Variants in ZNF423 observed in about 807,000 individuals in gnomAD.
The protein encoded by ZNF423 is Ebf-associated zinc finger protein.
Under a neutral mutation model 95.8 loss-of-function variants are expected in ZNF423, and 12 were observed. The ratio of observed to expected loss-of-function variants is 0.13; its 90% CI spans 0.08 to 0.20. ZNF423 has a LOEUF of 0.20. Ranked by LOEUF, ZNF423 falls within the 10% of genes least tolerant of loss-of-function variation. ZNF423 has a pLI of 1.00. For missense variants in ZNF423, 1,316 were observed against 1,737.1 expected, an observed-to-expected ratio of 0.76 and a Z score of 4.31; for synonymous variants, 749 against 711.9, an observed-to-expected ratio of 1.05 and a Z score of -0.83.
chr16:49,805,021 T>A (rs1462396584), intron 1 of ZNF423, among the ~76,000 whole-genome samples: 22 of 149,594 alleles, frequency 1.5e-4, no homozygotes, highest in Admixed American at 1.4e-3. Context: ...TGCCTCAGCC[T>A]CCCAAGTAGC....
In ZNF423 at chr16:49,732,673, G is replaced by A. The variant is rs193061566; in HGVS notation, c.101-1702C>T. On this transcript the variant is annotated intron_variant, in intron 2 of 7. Transcript: ENST00000563137. ...GCGCCAAAGCAAGAAAGACAGACACGAAGCAAAGAATGCACTCAATTCAAG... is the reference window on the plus strand; with the variant it reads ...GCGCCAAAGCAAGAAAGACAGACACAAAGCAAAGAATGCACTCAATTCAAG... Among the ~76,000 whole-genome samples the A allele has an allele frequency of 1.6e-3, 246 of 152,330 alleles. 1 individual carries two copies. Among genetic ancestry groups the A allele is most frequent in the African/African-American group, 5.5e-3 (228 of 41,570 alleles).
chr16:49,836,258 C>A (rs555114865), intron 1 of ZNF423, among the ~76,000 whole-genome samples: 3 of 152,288 alleles, frequency 2.0e-5, no homozygotes, highest in Admixed American at 6.5e-5. Flanking sequence ...GCCCTGCCCA[C>A]CACCTGTCTC....
At chr16:49,787,098 A>C (rs1381216411) in intron 2 of ZNF423, among the ~76,000 whole-genome samples, 1 of 152,136 alleles carries the variant, frequency 6.6e-6, no homozygotes, top group Admixed American at 6.5e-5. Context: ...CCTGGCATGC[A>C]CTAAGTAAGT....
intron 2 of ZNF423, among the ~76,000 whole-genome samples, chr16:49,732,047 A>G (rs896124440): frequency 6.6e-6 from 1 of 152,148 alleles, no homozygotes; most frequent in Non-Finnish European, 1.5e-5. Flanking sequence ...CCCATTTCAC[A>G]GTCTTGCATA....
intron 3 of ZNF423, among the ~76,000 whole-genome samples, chr16:49,703,125 G>A (rs1257685025): frequency 2.6e-5 from 4 of 152,168 alleles, no homozygotes; most frequent in Non-Finnish European, 5.9e-5. Flanking sequence ...TGGGCTCTGC[G>A]GTTACCGCTA....
chr16:49,726,072 T>C (rs984654986), intron 3 of ZNF423, among the ~76,000 whole-genome samples: 1 of 152,140 alleles, frequency 6.6e-6, no homozygotes, highest in Non-Finnish European at 1.5e-5. Context: ...CCAAAAGCTG[T>C]CAAGTGCTCC....
intron 1 of ZNF423, chr16:49,854,965 G>C: frequency 1.0e-6 from 1 of 984,848 alleles, no homozygotes; most frequent in Non-Finnish European, 1.2e-6. Flanking sequence ...GGTCAGATCC[G>C]GGGCGCCCTC....
chr16:49,732,220 C>T (rs891202462), intron 2 of ZNF423, among the ~76,000 whole-genome samples: 7 of 152,194 alleles, frequency 4.6e-5, no homozygotes, highest in Non-Finnish European at 1.0e-4. Flanking sequence ...GTCTAGTTCA[C>T]TTCCCTGCAC....
chr16:49,587,258 GA>G (rs937031230), intron 5 of ZNF423, among the ~76,000 whole-genome samples: 54 of 152,116 alleles, frequency 3.5e-4, no homozygotes, highest in Admixed American at 3.4e-3. Context: ...ACAGGCCTTG[GA>G]AACGGTCCCT....
chr16:49,658,455 C>T (rs530943145), intron 3 of ZNF423, among the ~76,000 whole-genome samples: 2 of 152,360 alleles, frequency 1.3e-5, no homozygotes, highest in Admixed American at 1.3e-4. Flanking sequence ...ATCTACAACA[C>T]GACAGAGGAA....
chr16:49,789,845 G>A (rs1454136800), intron 1 of ZNF423, among the ~76,000 whole-genome samples: 2 of 152,158 alleles, frequency 1.3e-5, no homozygotes, highest in East Asian at 3.8e-4. Context: ...AACCAATAAG[G>A]TTGCTCTCAG....
chr16:49,695,442 C>T (rs567529877), intron 3 of ZNF423, among the ~76,000 whole-genome samples: 4 of 152,340 alleles, frequency 2.6e-5, no homozygotes, highest in East Asian at 3.9e-4. Flanking sequence ...TATAGGCATG[C>T]GCCACCAAGC....
chr16:49,537,000 T>C (rs1211182510), intron 5 of ZNF423, among the ~76,000 whole-genome samples: 1 of 152,262 alleles, frequency 6.6e-6, no homozygotes, highest in Non-Finnish European at 1.5e-5. Context: ...TGTCAAATAT[T>C]ATGAAGAACA....
intron 1 of ZNF423, among the ~76,000 whole-genome samples, chr16:49,805,312 T>C (rs904422712): frequency 6.6e-6 from 1 of 152,206 alleles, no homozygotes; most frequent in Non-Finnish European, 1.5e-5. Flanking sequence ...ATACCTGTAG[T>C]GAGAACACAC....
chr16:49,739,987 T>C (rs9673246), intron 2 of ZNF423, among the ~76,000 whole-genome samples: 49,033 of 151,488 alleles, frequency 0.32, 8,019 homozygotes, highest in African/African-American at 0.34. Context: ...GCCTCCCGAG[T>C]AGCTGGGATT....
At chr16:49,764,126 G>T (rs2033883004) in intron 2 of ZNF423, among the ~76,000 whole-genome samples, 1 of 152,208 alleles carries the variant, frequency 6.6e-6, no homozygotes, top group Non-Finnish European at 1.5e-5. Context: ...GGATGTGTGT[G>T]GGGAAGATGG....
chr16:49,538,652 A>C (rs1401950781), intron 5 of ZNF423, among the ~76,000 whole-genome samples: 1 of 152,024 alleles, frequency 6.6e-6, no homozygotes, highest in African/African-American at 2.4e-5. Flanking sequence ...GGCCGCACCC[A>C]GCTTCCTCCT....
Position 49,576,593 on chromosome 16 carries a change from C to A in ZNF423, c.3601+49577G>T, listed in dbSNP as rs189818046. The stretch of plus-strand genomic sequence containing the variant: ...AAGGCCAACCCTTAGCAAATTGGCC[C>A]CTACCCATCAGAAAACTGGTCCTGT... On this transcript the variant is annotated intron_variant, in intron 5 of 7. Transcript: ENST00000563137. Among the ~76,000 whole-genome samples, 7 of 152,306 alleles carry A rather than the reference C, an allele frequency of 4.6e-5. No individual in the cohort carries two copies. In the East Asian group the frequency reaches 1.4e-3, roughly 29 times the overall value.
At chr16:49,657,301 CA>C (rs34524602) in intron 3 of ZNF423, among the ~76,000 whole-genome samples, 10 of 152,216 alleles carry the variant, frequency 6.6e-5, no homozygotes, top group Non-Finnish European at 1.3e-4. Context: ...AGAAACTCCC[CA>C]AAAACACTCC....
Sources: gnomAD v4.1 joint callset for allele counts (sites outside exome capture counted in the v4.1 genomes callset) on GRCh38, gnomAD v4.1.1 for gene constraint, MANE v1.5 for transcripts, NCBI Gene and HGNC (gene_info 2026-07-23, HGNC 2026-07-21) for gene names.